Variants in GAS2 observed in about 807,000 individuals in gnomAD.
The protein encoded by GAS2 is growth arrest-specific protein 2.
Under a neutral mutation model 37.5 loss-of-function variants are expected in GAS2, and 20 were observed. The observed-to-expected ratio is 0.53, with a 90% CI of 0.37 to 0.77. GAS2 has a LOEUF of 0.77. GAS2 is among the 30% of genes least tolerant of loss of function. GAS2 has a pLI of 0.00. For synonymous variants in GAS2, 144 were observed against 132.2 expected, an observed-to-expected ratio of 1.09 and a Z score of -0.61; for missense variants, 336 against 373.4, an observed-to-expected ratio of 0.90 and a Z score of 0.82.
At chr11:22,722,131 A>T (rs1305780694) in intron 3 of GAS2, among the ~76,000 whole-genome samples, 13 of 151,938 alleles carry the variant, frequency 8.6e-5, no homozygotes, top group Admixed American at 8.5e-4. Flanking sequence ...CCTAGAAACT[A>T]ATCTGAAAGG....
intron 3 of GAS2, among the ~76,000 whole-genome samples, chr11:22,714,789 A>G (rs1292304659): frequency 6.6e-6 from 1 of 152,210 alleles, no homozygotes; most frequent in Non-Finnish European, 1.5e-5. Flanking sequence ...TGAAATCAAG[A>G]TGAAAATTAA....
chr11:22,718,373 T>C (rs1433545745), intron 3 of GAS2, among the ~76,000 whole-genome samples: 1 of 152,048 alleles, frequency 6.6e-6, no homozygotes. Flanking sequence ...GCAACCTGAA[T>C]AGAGTTCGAG....
chr11:22,718,076 A>G (rs1851765728), intron 3 of GAS2, among the ~76,000 whole-genome samples: 1 of 152,124 alleles, frequency 6.6e-6, no homozygotes, highest in African/African-American at 2.4e-5. Flanking sequence ...TCCTTAAAGA[A>G]CTAAAAGTGC....
intron 7 of GAS2, among the ~76,000 whole-genome samples, chr11:22,757,467 C>T (rs1022109851): frequency 1.3e-5 from 2 of 152,038 alleles, no homozygotes; most frequent in African/African-American, 4.8e-5. Context: ...TCAACTAATA[C>T]ATAAGAACAT....
chr11:22,748,189 T>C (rs553636025), intron 5 of GAS2, among the ~76,000 whole-genome samples: 43 of 152,228 alleles, frequency 2.8e-4, no homozygotes, highest in African/African-American at 9.1e-4. Context: ...AGTCACCTGA[T>C]TAAAGTCAGA....
chr11:22,644,079 A>C (rs1848660905), intron 1 of GAS2, among the ~76,000 whole-genome samples: 1 of 152,218 alleles, frequency 6.6e-6, no homozygotes, highest in South Asian at 2.1e-4. Context: ...CATTACCTGC[A>C]TGTAGATATG....
At chr11:22,729,911 C>T (rs1852394302) in intron 4 of GAS2, among the ~76,000 whole-genome samples, 1 of 151,444 alleles carries the variant, frequency 6.6e-6, no homozygotes. Context: ...TATCAAAGAC[C>T]TCAGAAGTAT....
At chr11:22,701,534 A>C (rs1352082789) in intron 3 of GAS2, among the ~76,000 whole-genome samples, 3 of 152,130 alleles carry the variant, frequency 2.0e-5, no homozygotes, top group African/African-American at 4.8e-5. Flanking sequence ...TAAAAAAAAA[A>C]TAGTTCGGAA....
At chr11:22,715,155 A>T (rs938307138) in intron 3 of GAS2, among the ~76,000 whole-genome samples, 6 of 152,168 alleles carry the variant, frequency 3.9e-5, no homozygotes, top group African/African-American at 1.4e-4. Flanking sequence ...CGTTCCAAAT[A>T]AGCTTAATTA....
intron 3 of GAS2, among the ~76,000 whole-genome samples, chr11:22,696,420 T>A (rs890975157): frequency 1.3e-5 from 2 of 152,130 alleles, no homozygotes; most frequent in African/African-American, 4.8e-5. Flanking sequence ...CATGTGTCTT[T>A]ATAGCAGCAT....
chr11:22,756,310 G>T (rs1208872779), intron 7 of GAS2, among the ~76,000 whole-genome samples: 1 of 151,822 alleles, frequency 6.6e-6, no homozygotes, highest in East Asian at 1.9e-4. Context: ...AAAAAGAAAA[G>T]AAAAGAAAAT....
At chr11:22,811,714 A>G (rs972519101) in intron 7 of GAS2, 84 bp from the exon 8 acceptor site, 2 of 1,303,178 alleles carry the variant, frequency 1.5e-6, no homozygotes, top group Admixed American at 3.5e-5. Flanking sequence ...AAACCAAAAC[A>G]CTAATTTCAC....
chr11:22,659,760 A>C (rs1040347307), intron 1 of GAS2, among the ~76,000 whole-genome samples: 1 of 152,104 alleles, frequency 6.6e-6, no homozygotes, highest in African/African-American at 2.4e-5. Flanking sequence ...GTTTTTATCT[A>C]AGACATTTTT....
chr11:22,770,891 G>C (rs1854943707), intron 7 of GAS2, among the ~76,000 whole-genome samples: 1 of 152,146 alleles, frequency 6.6e-6, no homozygotes, highest in Non-Finnish European at 1.5e-5. Flanking sequence ...TGAAGACGGA[G>C]AGCATTTTAT....
rs1356017075 is a variant in GAS2, at chr11:22,685,807, A to C, written c.267+18A>C. 3.7e-6 allele frequency: 6 copies of C among 1,607,098 alleles called. No homozygotes were observed. The African/African-American group carries it at 6.7e-5, about 18-fold the overall frequency. ...CCACAAAGGTAAAAGATCCCAATGC[A>C]AAAATCACTCTTAGGTGGTAGATTA... On this transcript the variant is annotated intron_variant, in intron 3 of 7. Coordinates refer to ENST00000454584, the MANE Select transcript of GAS2 (RefSeq NM_001143830.3).
intron 3 of GAS2, among the ~76,000 whole-genome samples, chr11:22,699,530 T>G (rs143322634): frequency 6.6e-5 from 10 of 152,234 alleles, no homozygotes; most frequent in East Asian, 5.8e-4. Context: ...TTGCAAGGAT[T>G]ATGCAGCATA....
chr11:22,707,384 G>T (rs530692203), intron 3 of GAS2, among the ~76,000 whole-genome samples: 1 of 152,300 alleles, frequency 6.6e-6, no homozygotes, highest in South Asian at 2.1e-4. Context: ...GTGCTTTAGA[G>T]ATAACCTTGA....
intron 7 of GAS2, among the ~76,000 whole-genome samples, chr11:22,789,408 G>A (rs1286873084): frequency 2.8e-5 from 3 of 107,600 alleles, no homozygotes; most frequent in African/African-American, 7.0e-5. Flanking sequence ...GTGTGTATGT[G>A]TGTGTATCTC....
chr11:22,626,953 C>T (rs563028655), intron 1 of GAS2, among the ~76,000 whole-genome samples: 10 of 152,188 alleles, frequency 6.6e-5, no homozygotes, highest in South Asian at 2.1e-4. Flanking sequence ...CGCCCAGGCG[C>T]GGCCAATTTT....
Sources: allele counts gnomAD v4.1 joint callset (sites outside exome capture counted in the v4.1 genomes callset), GRCh38; gene constraint gnomAD v4.1.1; transcripts MANE v1.5; gene names NCBI Gene and HGNC (gene_info 2026-07-23, HGNC 2026-07-21).